The following SPATA31H1 variants were observed in gnomAD, a reference collection of about 807,000 sequenced individuals.
The protein encoded by SPATA31H1 is SPATA31 subfamily H member 1.
At chr2:27,580,967 T>A in the SPATA31H1 span, 2 of 1,614,086 alleles carry the variant, frequency 1.2e-6, no homozygotes, top group Non-Finnish European at 1.7e-6. Context: ...GTGGTATTGC[T>A]TTCCAAACTG....
At chr2:27,538,787 C>T in the SPATA31H1 span, among the ~76,000 whole-genome samples, 3 of 151,740 alleles carry the variant, frequency 2.0e-5, no homozygotes, top group Admixed American at 1.3e-4. Context: ...GCTGAGACCA[C>T]GCCATTGCAC....
chr2:27,539,261 C>A, the SPATA31H1 span, among the ~76,000 whole-genome samples: 2 of 140,910 alleles, frequency 1.4e-5, no homozygotes, highest in Admixed American at 6.7e-5. Context: ...TGCGGCCTTC[C>A]GGCCTTCCGC....
chr2:27,564,610 G>T, the SPATA31H1 span, among the ~76,000 whole-genome samples: 25 of 152,018 alleles, frequency 1.6e-4, no homozygotes, highest in East Asian at 2.1e-3. Flanking sequence ...TCAGGTCAGG[G>T]GTTTGAGACC....
chr2:27,581,364 C>G, the SPATA31H1 span: 1 of 1,613,492 alleles, frequency 6.2e-7, no homozygotes, highest in Non-Finnish European at 8.5e-7. Flanking sequence ...TAGGAAAAAC[C>G]ATTCCAGTCC....
At chr2:27,582,398 G>A in the SPATA31H1 span, 2 of 1,614,238 alleles carry the variant, frequency 1.2e-6, no homozygotes, top group Non-Finnish European at 8.5e-7. Context: ...AGGGACTCAA[G>A]TACAGTTTCC....
the SPATA31H1 span, chr2:27,565,500 T>G: frequency 4.3e-6 from 3 of 691,330 alleles, no homozygotes; most frequent in South Asian, 4.8e-5. Flanking sequence ...AGGATGTAAA[T>G]GGAAGAAGTG....
chr2:27,580,463 T>C, the SPATA31H1 span: 1 of 1,614,132 alleles, frequency 6.2e-7, no homozygotes, highest in African/African-American at 1.3e-5. Flanking sequence ...CCAAGCGACT[T>C]AGAAAACACA....
At chr2:27,550,194 AT>A in the SPATA31H1 span, among the ~76,000 whole-genome samples, 2 of 149,236 alleles carry the variant, frequency 1.3e-5, no homozygotes, top group East Asian at 3.9e-4. Flanking sequence ...TTCCTCTACA[AT>A]GTTCAATAGA....
chr2:27,567,550 A>C, the SPATA31H1 span: 1 of 403,530 alleles, frequency 2.5e-6, no homozygotes. Context: ...AAACTTTCAC[A>C]GTCACTTATC....
At chr2:27,572,424 G>T in the SPATA31H1 span, 3 of 398,356 alleles carry the variant, frequency 7.5e-6, no homozygotes, top group Non-Finnish European at 1.3e-5. Flanking sequence ...CAAACCTGCA[G>T]AATTGAAACT....
At chr2:27,578,546 G>A in the SPATA31H1 span, 25 of 1,613,912 alleles carry the variant, frequency 1.5e-5, 1 homozygote. Context: ...CTCAAGTGAA[G>A]TCTGCAGAAT....
At chr2:27,543,981 C>T in the SPATA31H1 span, among the ~76,000 whole-genome samples, 1 of 151,786 alleles carries the variant, frequency 6.6e-6, no homozygotes, top group African/African-American at 2.4e-5. Context: ...TCCTGAAAAA[C>T]TAAGTCCCTG....
the SPATA31H1 span, chr2:27,574,679 A>C: frequency 2.5e-6 from 1 of 398,532 alleles, no homozygotes; most frequent in East Asian, 3.6e-5. Context: ...AAGATGTTAA[A>C]TCTGTAGAAT....
At chr2:27,574,367 TC>T in the SPATA31H1 span, 2 of 398,346 alleles carry the variant, frequency 5.0e-6, no homozygotes, top group Non-Finnish European at 8.9e-6. Flanking sequence ...TCAAACCTAG[TC>T]CAAAGTTACA....
chr2:27,570,528 T>A, the SPATA31H1 span: 1 of 398,914 alleles, frequency 2.5e-6, no homozygotes, highest in Non-Finnish European at 4.4e-6. Flanking sequence ...AGCAAAGATA[T>A]TTCCAGGAAC....
chr2:27,548,590 G>A, the SPATA31H1 span, among the ~76,000 whole-genome samples: 1 of 146,860 alleles, frequency 6.8e-6, no homozygotes, highest in African/African-American at 2.5e-5. Context: ...CTTGGGTGAC[G>A]GAGCCAGGCC....
the SPATA31H1 span, among the ~76,000 whole-genome samples, chr2:27,552,602 G>A: frequency 6.6e-6 from 1 of 151,950 alleles, no homozygotes; most frequent in Non-Finnish European, 1.5e-5. Context: ...TTTAGGACCA[G>A]CTTTTTCATT....
chr2:27,581,909 G>A, the SPATA31H1 span: 3 of 1,612,422 alleles, frequency 1.9e-6, no homozygotes, highest in Non-Finnish European at 1.7e-6. Context: ...GTCCCTCTGA[G>A]AGAAGACATC....
the SPATA31H1 span, among the ~76,000 whole-genome samples, chr2:27,538,193 T>A: frequency 6.6e-6 from 1 of 152,138 alleles, no homozygotes; most frequent in Non-Finnish European, 1.5e-5. Context: ...TAAATACAAC[T>A]CTGTGCAGTT....
Sources: allele counts gnomAD v4.1 joint callset (sites outside exome capture counted in the v4.1 genomes callset), GRCh38; gene constraint gnomAD v4.1.1; transcripts MANE v1.5; gene names NCBI Gene and HGNC (gene_info 2026-07-23, HGNC 2026-07-21).